The following STPG2 variants were observed in gnomAD, a reference collection of about 807,000 sequenced individuals.
STPG2 encodes the protein sperm tail PG-rich repeat containing 2.
Under a neutral mutation model 54.2 loss-of-function variants are expected in STPG2, and 56 were observed. The observed-to-expected ratio is 1.03, with a 90% CI of 0.83 to 1.29. The LOEUF (loss-of-function observed/expected upper bound fraction) is 1.29, where lower values mean the gene tolerates loss of function less well. STPG2 is among the 50% of genes most tolerant of loss of function. The pLI, the probability that STPG2 is intolerant of heterozygous loss-of-function variation, is 0.00. For synonymous variants in STPG2, 200 were observed against 181.8 expected (o/e 1.10, Z -0.81); for missense variants, 596 against 544.9 (o/e 1.09, Z -0.93).
chr4:97,814,897 C>G (rs1727859458), intron 9 of STPG2, among the ~76,000 whole-genome samples: 3 of 151,994 alleles, frequency 2.0e-5, no homozygotes, highest in Admixed American at 1.3e-4. Context: ...ATTGTGGGAC[C>G]CTGTGATCGT....
intron 5 of STPG2, among the ~76,000 whole-genome samples, chr4:98,049,819 A>G (rs1737258622): frequency 1.3e-5 from 2 of 152,292 alleles, no homozygotes; most frequent in South Asian, 4.1e-4. Flanking sequence ...ACAAACATTT[A>G]TGTCCCTCCT....
rs888191188 is a variant in STPG2 at position 97,767,509 on chromosome 4, T to C, written c.1205-54695A>G. Among the ~76,000 whole-genome samples, 4 of 152,162 alleles carry C rather than the reference T, an allele frequency of 2.6e-5. No homozygotes were observed. The East Asian group carries it at 5.8e-4, about 22-fold the overall frequency. On this transcript the variant is annotated intron_variant, in intron 9 of 10. Coordinates refer to ENST00000295268, the MANE Select transcript of STPG2 (RefSeq NM_174952.3). The stretch of plus-strand genomic sequence containing the variant: ...TAGAGTTTAAATTTTACAATATAAA[T>C]ACAATTTGCTGTACTTAATTACAAA...
chr4:97,900,216 CAAT>C (rs1435652998), intron 8 of STPG2, among the ~76,000 whole-genome samples: 2 of 152,076 alleles, frequency 1.3e-5, no homozygotes, highest in Non-Finnish European at 1.5e-5. Flanking sequence ...ATCAAAACCA[CAAT>C]GAGATAGTGT....
chr4:97,780,617 A>G (rs1343819424), intron 9 of STPG2, among the ~76,000 whole-genome samples: 1 of 132,602 alleles, frequency 7.5e-6, no homozygotes, highest in Non-Finnish European at 1.6e-5. Flanking sequence ...CCCCAAATCA[A>G]CAGAATATAC....
intron 4 of STPG2, among the ~76,000 whole-genome samples, chr4:97,452,114 GC>G (rs751089640): frequency 0.031 from 523 of 17,010 alleles, 10 homozygotes; most frequent in Middle Eastern, 0.17. Context: ...CAGGAGCCCC[GC>G]CCCCACCCCC....
chr4:97,561,625 T>A (rs1337370545), intron 10 of STPG2, among the ~76,000 whole-genome samples: 1 of 152,212 alleles, frequency 6.6e-6, no homozygotes. Flanking sequence ...AATTTTTGTA[T>A]AAGGGGTAAG....
intron 4 of STPG2, among the ~76,000 whole-genome samples, chr4:97,535,089 A>C (rs1731498649): frequency 6.6e-6 from 1 of 152,210 alleles, no homozygotes; most frequent in South Asian, 2.1e-4. Flanking sequence ...AGGCTCATAA[A>C]CATTTATGTA....
At chr4:97,740,912 C>G (rs1321784857) in intron 9 of STPG2, among the ~76,000 whole-genome samples, 1 of 152,106 alleles carries the variant, frequency 6.6e-6, no homozygotes, top group Non-Finnish European at 1.5e-5. Context: ...CCAAGTCAAT[C>G]TTAAGGCAAA....
At chr4:97,722,964 A>AT (rs3974903) in intron 9 of STPG2, among the ~76,000 whole-genome samples, 1,744 of 116,318 alleles carry the variant, frequency 0.015, 29 homozygotes, top group African/African-American at 0.035. Flanking sequence ...CACCCGGCTA[A>AT]TTTTTTTTTT....
At chr4:98,054,523 T>A (rs771763043) in intron 5 of STPG2, among the ~76,000 whole-genome samples, 6 of 152,192 alleles carry the variant, frequency 3.9e-5, no homozygotes, top group Non-Finnish European at 7.4e-5. Flanking sequence ...CAAAATTCTT[T>A]GGTAAATCAT....
chr4:98,025,572 A>T, intron 5 of STPG2: 1 of 732,232 alleles, frequency 1.4e-6, no homozygotes, highest in East Asian at 2.5e-5. Flanking sequence ...ATCATTTGTC[A>T]GATTGCTTAT....
chr4:97,891,638 T>C (rs185612229), intron 8 of STPG2, among the ~76,000 whole-genome samples: 2 of 152,242 alleles, frequency 1.3e-5, no homozygotes, highest in Admixed American at 1.3e-4. Context: ...GCCAAAAATA[T>C]ATCTTGCTCT....
chr4:97,806,780 C>T (rs1354752732), intron 9 of STPG2, among the ~76,000 whole-genome samples: 1 of 152,074 alleles, frequency 6.6e-6, no homozygotes, highest in African/African-American at 2.4e-5. Flanking sequence ...AATATCTTTG[C>T]ACTTCTTTAT....
At chr4:97,706,461 C>T (rs1214451335) in intron 10 of STPG2, among the ~76,000 whole-genome samples, 1 of 152,166 alleles carries the variant, frequency 6.6e-6, no homozygotes, top group African/African-American at 2.4e-5. Flanking sequence ...AAGAAGACAG[C>T]TGTCTGTGAA....
intron 8 of STPG2, among the ~76,000 whole-genome samples, chr4:97,903,189 G>T (rs1731245723): frequency 6.6e-6 from 1 of 152,190 alleles, no homozygotes; most frequent in Admixed American, 6.5e-5. Context: ...CTTGAAATTT[G>T]CCAAGAGAAT....
intron 4 of STPG2, among the ~76,000 whole-genome samples, chr4:97,459,347 G>A (rs759001907): frequency 6.6e-6 from 1 of 151,564 alleles, no homozygotes; most frequent in Non-Finnish European, 1.5e-5. Context: ...CTTCTCTTTC[G>A]CTAATATTCT....
intron 8 of STPG2, among the ~76,000 whole-genome samples, chr4:97,920,929 C>T (rs988996243): frequency 6.6e-6 from 1 of 152,152 alleles, no homozygotes; most frequent in Admixed American, 6.5e-5. Flanking sequence ...GAGAATAGGA[C>T]TTTCCAACAC....
At chr4:98,094,687 T>C (rs929357833) in intron 5 of STPG2, among the ~76,000 whole-genome samples, 5 of 152,110 alleles carry the variant, frequency 3.3e-5, no homozygotes, top group African/African-American at 9.7e-5. Flanking sequence ...TAAGTGAACA[T>C]TGGCAGTGGC....
chr4:97,703,404 T>A (rs898350015), intron 10 of STPG2, among the ~76,000 whole-genome samples: 4 of 144,250 alleles, frequency 2.8e-5, no homozygotes, highest in Admixed American at 1.4e-4. Flanking sequence ...TATATATATA[T>A]CCTATTATAT....
Sources: allele counts gnomAD v4.1 joint callset (sites outside exome capture counted in the v4.1 genomes callset), GRCh38; gene constraint gnomAD v4.1.1; transcripts MANE v1.5; gene names NCBI Gene and HGNC (gene_info 2026-07-23, HGNC 2026-07-21).